GATAD2B: variants seen among roughly 807,000 people sequenced by gnomAD.
The protein encoded by GATAD2B is GATA zinc finger domain containing 2B.
In GATAD2B, 8 loss-of-function variants were observed where a neutral mutation model predicts 64.3. The ratio of observed to expected loss-of-function variants is 0.12; its 90% CI spans 0.07 to 0.22. GATAD2B has a LOEUF of 0.22. GATAD2B is among the 10% of genes least tolerant of loss of function. The pLI is 1.00. For missense variants in GATAD2B, 453 were observed against 752.0 expected, an observed-to-expected ratio of 0.60 and a Z score of 4.65; for synonymous variants, 281 against 271.3, an observed-to-expected ratio of 1.04 and a Z score of -0.35.
chr1:153,911,042 A>G (rs1678096354), intron 1 of GATAD2B, among the ~76,000 whole-genome samples: 1 of 152,224 alleles, frequency 6.6e-6, no homozygotes, highest in Non-Finnish European at 1.5e-5. Flanking sequence ...TTCGGTTCAC[A>G]GAAGCTTTAA....
intron 1 of GATAD2B, among the ~76,000 whole-genome samples, chr1:153,879,573 C>T (rs918054710): frequency 7.2e-5 from 11 of 151,814 alleles, no homozygotes; most frequent in Middle Eastern, 3.4e-3. Flanking sequence ...ACCATCCTGG[C>T]CAACATGGTA....
chr1:153,910,052 T>C (rs1571007581), intron 1 of GATAD2B, among the ~76,000 whole-genome samples: 1 of 151,816 alleles, frequency 6.6e-6, no homozygotes, highest in Non-Finnish European at 1.5e-5. Flanking sequence ...GAGGCAGAGG[T>C]TGCAGTGAGC....
At chr1:153,862,118 CTTTTTTTTTTTTT>C (rs754580519) in intron 1 of GATAD2B, among the ~76,000 whole-genome samples, 6 of 101,164 alleles carry the variant, frequency 5.9e-5, no homozygotes, top group African/African-American at 2.2e-4. Context: ...ACATTATATC[CTTTTTTTTTTTTT>C]TTTTTTTTTT....
chr1:153,874,369 G>A (rs1380165139), intron 1 of GATAD2B, among the ~76,000 whole-genome samples: 3 of 152,080 alleles, frequency 2.0e-5, no homozygotes, highest in African/African-American at 4.8e-5. Flanking sequence ...ACACTACTAT[G>A]AAGTGCCCCT....
intron 1 of GATAD2B, among the ~76,000 whole-genome samples, chr1:153,857,763 A>G (rs1282579108): frequency 6.6e-6 from 1 of 152,176 alleles, no homozygotes; most frequent in African/African-American, 2.4e-5. Context: ...GCCTTCTGCC[A>G]CAGGAGACAT....
chr1:153,866,038 A>G (rs1197704989), intron 1 of GATAD2B, among the ~76,000 whole-genome samples: 1 of 151,962 alleles, frequency 6.6e-6, no homozygotes, highest in Non-Finnish European at 1.5e-5. Context: ...AACCCTGTCT[A>G]TACAAAAATA....
chr1:153,833,754 G>A (rs1198313586), intron 1 of GATAD2B, among the ~76,000 whole-genome samples: 1 of 141,292 alleles, frequency 7.1e-6, no homozygotes, highest in Non-Finnish European at 1.5e-5. Context: ...AGGTGGCAGT[G>A]AGCCAAGATC....
chr1:153,872,629 T>C (rs2101931415), intron 1 of GATAD2B, among the ~76,000 whole-genome samples: 2 of 152,098 alleles, frequency 1.3e-5, no homozygotes, highest in East Asian at 3.9e-4. Flanking sequence ...TCCAAAATTC[T>C]CATTTTTGCT....
chr1:153,819,717 C>G lies in GATAD2B; in HGVS notation c.354G>C (p.Arg118Ser), dbSNP rs1674609745. Residue 118 changes from arginine (R) to serine (S), a missense_variant, in exon 3 of 11, where the codon AGG becomes AGC. Physicochemically the swap from Arg to Ser is moderately radical, Grantham distance 110. Coordinates refer to ENST00000368655, the MANE Select transcript of GATAD2B (RefSeq NM_020699.4). ...CAATGATGTCTGGTGAGGGAGTTAG[C>G]CTTCCTCGCTCTGGCTCACTAGACA... ...SARRSEPERG[R>S]LTPSPDIIVL... 6.2e-7 allele frequency: 1 copy of G among 1,608,378 alleles called. No homozygotes were observed. The highest frequency in any genetic ancestry group is 8.5e-7 in the Non-Finnish European group (1 of 1,177,318).
Position 153,832,619 on chromosome 1 carries a change from T to C in GATAD2B, c.-1-4271A>G, listed in dbSNP as rs76789167. ...TGAGATAACCCACAAAAGTGACACA[T>C]TAACAGTACATTTTTTTCCCTTTTT... is the stretch of plus-strand genomic sequence containing the variant. On this transcript the variant is annotated intron_variant, in intron 1 of 10. Transcript: ENST00000368655. 9.3e-3 allele frequency among the ~76,000 whole-genome samples: 1,416 copies of C among 152,354 alleles called. 15 individuals carry two copies. The highest frequency in any genetic ancestry group is 0.013 in the Non-Finnish European group (860 of 68,026).
rs1570922584 is a variant in GATAD2B at position 153,811,949 on chromosome 1, T to C, written c.1530+73A>G. The C allele has an allele frequency of 8.5e-6, 11 of 1,289,506 alleles. No homozygotes were observed. The East Asian group carries it at 2.3e-4, about 27-fold the overall frequency. 79.9% of individuals were successfully genotyped at this position (1,289,506 alleles called of 1,614,324 possible). A position where few individuals can be genotyped will look rare whatever the true frequency, so the allele number is the denominator to read the frequency against. On this transcript the variant is annotated intron_variant, in intron 9 of 10. Coordinates refer to ENST00000368655, the MANE Select transcript of GATAD2B (RefSeq NM_020699.4). ...AGAAGAAGACTATGATTTCCCACAA[T>C]AGAAAGGACAAATTGTGATAAATGG...
chr1:153,858,883 A>G (rs1676177492), intron 1 of GATAD2B, among the ~76,000 whole-genome samples: 1 of 152,204 alleles, frequency 6.6e-6, no homozygotes, highest in Non-Finnish European at 1.5e-5. Flanking sequence ...AAGTATGGTC[A>G]GGAAAGTCCT....
chr1:153,895,286 A>G (rs1677551407), intron 1 of GATAD2B, among the ~76,000 whole-genome samples: 1 of 151,924 alleles, frequency 6.6e-6, no homozygotes, highest in South Asian at 2.1e-4. Flanking sequence ...GTGAGCCAAG[A>G]TCGCGCCACT....
chr1:153,832,371 C>A (rs1675108650), intron 1 of GATAD2B, among the ~76,000 whole-genome samples: 1 of 152,218 alleles, frequency 6.6e-6, no homozygotes, highest in Admixed American at 6.5e-5. Flanking sequence ...ATCAAACCAG[C>A]CACAGCATTC....
At chr1:153,876,163 G>A (rs1278077320) in intron 1 of GATAD2B, among the ~76,000 whole-genome samples, 1 of 143,364 alleles carries the variant, frequency 7.0e-6, no homozygotes, top group Admixed American at 7.2e-5. Context: ...GGGAGGCGGA[G>A]ACTGCAGTGA....
chr1:153,825,885 C>T (rs2101889431), intron 2 of GATAD2B, among the ~76,000 whole-genome samples: 1 of 152,296 alleles, frequency 6.6e-6, no homozygotes, highest in Non-Finnish European at 1.5e-5. Context: ...AGTCCAGCTT[C>T]TTAGAGATTC....
At chr1:153,831,377 T>C (rs916683983) in intron 1 of GATAD2B, among the ~76,000 whole-genome samples, 10 of 152,058 alleles carry the variant, frequency 6.6e-5, no homozygotes, top group Admixed American at 1.3e-4. Flanking sequence ...AGGACAAATA[T>C]CTAATACATG....
intron 1 of GATAD2B, among the ~76,000 whole-genome samples, chr1:153,837,770 T>C (rs1376792631): frequency 6.6e-6 from 1 of 152,184 alleles, no homozygotes; most frequent in African/African-American, 2.4e-5. Flanking sequence ...TATAAAACTG[T>C]AAAAATAATA....
At chr1:153,818,014 C>A (rs1325081668) in intron 5 of GATAD2B, 26 bp downstream of exon 5, 3 of 1,564,456 alleles carry the variant, frequency 1.9e-6, no homozygotes, top group Admixed American at 2.0e-5. Flanking sequence ...CCCTCCAACA[C>A]TAAGATCCCA....
Sources: allele counts gnomAD v4.1 joint callset (sites outside exome capture counted in the v4.1 genomes callset), GRCh38; gene constraint gnomAD v4.1.1; transcripts MANE v1.5; gene names NCBI Gene and HGNC (gene_info 2026-07-23, HGNC 2026-07-21).